The following TMEM223 variants were observed in gnomAD, a reference collection of about 807,000 sequenced individuals.
TMEM223 encodes transmembrane protein 223.
Under a neutral mutation model 14.1 loss-of-function variants are expected in TMEM223, and 14 were observed. The observed-to-expected ratio is 0.99, with a 90% CI of 0.66 to 1.55. The LOEUF is 1.55. Among genes scored for constraint, TMEM223 ranks in the 40% most tolerant of loss-of-function variants. TMEM223 has a pLI of 0.00. For synonymous variants in TMEM223, 145 were observed against 120.5 expected, an observed-to-expected ratio of 1.20 and a Z score of -1.33; for missense variants, 346 against 269.9, an observed-to-expected ratio of 1.28 and a Z score of -1.97.
intron 1 of TMEM223, among the ~76,000 whole-genome samples, chr11:62,777,646 T>G (rs2084196902): frequency 6.6e-6 from 1 of 151,836 alleles, no homozygotes; most frequent in Non-Finnish European, 1.5e-5. Context: ...GAGCGGTGAG[T>G]TGAGAGAGGA....
downstream of TMEM223, among the ~76,000 whole-genome samples, chr11:62,785,434 C>T (rs192796677): frequency 1.5e-4 from 23 of 149,736 alleles, no homozygotes; most frequent in African/African-American, 5.4e-4. Flanking sequence ...CCTCCTGATC[C>T]GCCTGCCTTG....
chr11:62,787,801 T>C (rs2084306181), downstream of TMEM223: 2 of 676,126 alleles, frequency 3.0e-6, no homozygotes, highest in Non-Finnish European at 2.7e-6. Context: ...TGGCTCCTGC[T>C]GCACAGCCTT....
At position 62,778,655 on chromosome 11, in the gene TMEM223, G is replaced by T. The variant is rs999038768; in HGVS notation, c.315-3990C>A. ...AGCTCTCAGGAGTCCGTCTGGCAGA[G>T]GGTGGGTGGAAGACAGGACAGAGCA... On this transcript the variant is annotated intron_variant, in intron 1 of 2. Coordinates refer to the TMEM223 transcript ENST00000528367. The T allele has an allele frequency of 8.2e-6, 5 of 612,754 alleles. No homozygotes were observed. In the Admixed American group the frequency reaches 1.2e-4, roughly 14 times the overall value. The allele number at this position is 612,754 out of a possible 1,614,324, so 38.0% of individuals were successfully genotyped here.
chr11:62,777,921 C>T (rs2084198890), intron 1 of TMEM223: 2 of 1,590,244 alleles, frequency 1.3e-6, no homozygotes, highest in South Asian at 2.3e-5. Flanking sequence ...CATCCTGGAT[C>T]CTGACGCCTG....
At chr11:62,778,459 G>C (rs2084203380) in intron 1 of TMEM223, 2 of 1,174,118 alleles carry the variant, frequency 1.7e-6, no homozygotes, top group South Asian at 2.6e-5. Context: ...CTTGTGCCAT[G>C]GTCTGAGTGG....
At chr11:62,776,042 C>CA (rs2134702209) in intron 1 of TMEM223, 1 of 1,330,040 alleles carries the variant, frequency 7.5e-7, no homozygotes, top group Non-Finnish European at 1.0e-6. Context: ...CTCCATACAA[C>CA]AGAGACAGTC....
intron 1 of TMEM223, chr11:62,782,181 T>C (rs1050120201): frequency 1.2e-6 from 2 of 1,613,976 alleles, no homozygotes; most frequent in African/African-American, 2.7e-5. Context: ...GCCTATTTCG[T>C]AATCCGCACC....
At chr11:62,782,528 T>C (rs1425773372), downstream of TMEM223, 1 of 1,113,900 alleles carries the variant, frequency 9.0e-7, no homozygotes, top group African/African-American at 1.6e-5. Context: ...AGGTATTGGT[T>C]CTTCAGCCCT....
At chr11:62,772,391 C>T (rs1219932027) in intron 2 of TMEM223, among the ~76,000 whole-genome samples, 1 of 151,880 alleles carries the variant, frequency 6.6e-6, no homozygotes, top group Non-Finnish European at 1.5e-5. Context: ...GGCATGGCGG[C>T]GTATGCCTGT....
Position 62,790,055 on chromosome 11 carries a change from G to A in TMEM223, c.*568C>T, listed in dbSNP as rs1190640129. ...CGCCTTTCCCATTCCTGAAGAATAA[G>A]CGGAGTGCTTCCTGCAGCCGAAGAC... is the stretch of plus-strand genomic sequence containing the variant. On this transcript the variant is annotated 3_prime_UTR_variant, in exon 2 of 2. Coordinates refer to ENST00000307366, the MANE Select transcript of TMEM223 (RefSeq NM_001080501.3). 19 of 1,602,102 alleles carry A rather than the reference G, an allele frequency of 1.2e-5. No homozygotes were observed. The highest frequency in any genetic ancestry group is 1.5e-5 in the Non-Finnish European group (18 of 1,173,352).
Position 62,774,569 on chromosome 11 carries a change from C to A in TMEM223, c.385+26G>T, listed in dbSNP as rs141272549. On this transcript the variant is annotated intron_variant, in intron 2 of 2. Transcript: ENST00000528367. ...GGCCTTCCTGTCTGAGGTGTGGATG[C>A]ATCACTTTGGCGCACGGGAGCCTAC... is the stretch of plus-strand genomic sequence containing the variant. 7.6e-4 allele frequency: 347 copies of A among 454,538 alleles called. 1 individual carries two copies. The East Asian group carries it at 9.9e-3, about 13-fold the overall frequency. The allele number at this position is 454,538 out of a possible 1,614,324, so 28.2% of individuals were successfully genotyped here. A position where few individuals can be genotyped will look rare whatever the true frequency, so the allele number is the denominator to read the frequency against.
Position 62,790,119 on chromosome 11 carries a change from C to G in TMEM223, c.*504G>C. On this transcript the variant is annotated 3_prime_UTR_variant, in exon 2 of 2. Transcript: ENST00000307366. Reference sequence around the variant, plus strand: ...GCCTGTAATCCCCCCCCTCAAGGCCCTGTTTATGTTGGGAGTCTTAGTTTT... The same window carrying G: ...GCCTGTAATCCCCCCCCTCAAGGCCGTGTTTATGTTGGGAGTCTTAGTTTT... 2 of 1,208,784 alleles carry G rather than the reference C, an allele frequency of 1.7e-6. No homozygotes were observed. The highest frequency in any genetic ancestry group is 2.2e-6 in the Non-Finnish European group (2 of 895,908). 74.9% of individuals were successfully genotyped at this position (1,208,784 alleles called of 1,614,324 possible). A position where few individuals can be genotyped will look rare whatever the true frequency, so the allele number is the denominator to read the frequency against.
intron 1 of TMEM223, chr11:62,778,073 G>A: frequency 6.2e-7 from 1 of 1,614,168 alleles, no homozygotes; most frequent in South Asian, 1.1e-5. Context: ...TGAACCTGGT[G>A]GAGCTGGCCC....
downstream of TMEM223, chr11:62,782,615 T>G: frequency 6.4e-7 from 1 of 1,572,244 alleles, no homozygotes; most frequent in South Asian, 1.2e-5. Flanking sequence ...ACAGATGCTA[T>G]TCTCTTTGTG....
chr11:62,791,744 C>A lies in TMEM223; in HGVS notation c.251G>T (p.Arg84Leu), dbSNP rs906006894. ...CGCGGAGCGCAGGTCGAAGGGGCCA[C>A]GATTTGGGACCTCCGCATCCAGAGG... The part of the protein sequence containing the change: ...VQPLDAEVPN[R>L]GPFDLRSALW... Residue 84 changes from arginine to leucine, a missense_variant, in exon 1 of 2, where the codon CGT (arginine) becomes CTT (leucine). By Grantham distance (102) the Arg-to-Leu change is moderately radical. Transcript: ENST00000307366. 18 of 1,561,764 alleles carry A rather than the reference C, an allele frequency of 1.2e-5. No individual in the cohort carries two copies. The highest frequency in any genetic ancestry group is 1.5e-5 in the Non-Finnish European group (17 of 1,153,586).
downstream of TMEM223, chr11:62,786,158 T>C (rs1045014136): frequency 4.9e-6 from 7 of 1,429,928 alleles, no homozygotes; most frequent in African/African-American, 9.9e-5. Flanking sequence ...GATTGAGCCC[T>C]GTCTAGGATC....
chr11:62,778,096 T>A, intron 1 of TMEM223: 1 of 1,614,062 alleles, frequency 6.2e-7, no homozygotes. Context: ...GCTACCAACA[T>A]CCCCAAAGGC....
chr11:62,772,145 C>T (rs1023168878), intron 2 of TMEM223: 1 of 456,110 alleles, frequency 2.2e-6, no homozygotes, highest in South Asian at 1.5e-5. Flanking sequence ...GTGAAATAGA[C>T]GAAATACATA....
chr11:62,776,325 G>C, intron 1 of TMEM223: 2 of 1,574,530 alleles, frequency 1.3e-6, no homozygotes, highest in Non-Finnish European at 1.7e-6. Flanking sequence ...TTCATTTGGG[G>C]TTTCCCATGC....
Sources: gnomAD v4.1 joint callset for allele counts (sites outside exome capture counted in the v4.1 genomes callset) on GRCh38, gnomAD v4.1.1 for gene constraint, MANE v1.5 for transcripts, NCBI Gene and HGNC (gene_info 2026-07-23, HGNC 2026-07-21) for gene names.